Variants in NFATC2 observed in about 807,000 individuals in gnomAD.
NFATC2 encodes the protein nuclear factor of activated T cells 2.
In NFATC2, 22 loss-of-function variants were observed where a neutral mutation model predicts 87.3. The ratio of observed to expected loss-of-function variants is 0.25; its 90% CI spans 0.18 to 0.36. NFATC2 has a LOEUF of 0.36. NFATC2 is among the 10% of genes least tolerant of loss of function. The pLI, the probability that NFATC2 is intolerant of heterozygous loss-of-function variation, is 1.00. For missense variants in NFATC2, 1,149 were observed against 1,259.1 expected (o/e 0.91, Z 1.32); for synonymous variants, 565 against 542.2 (o/e 1.04, Z -0.58).
In NFATC2 at chr20:51,558,538, C is replaced by T. The variant is rs138352730; in HGVS notation, c.70+4022G>A. Among the ~76,000 whole-genome samples the T allele has an allele frequency of 1.8e-4, 27 of 151,994 alleles. No individual in the cohort carries two copies. The East Asian group carries it at 5.0e-3, about 28-fold the overall frequency. On this transcript the variant is annotated intron_variant, in intron 1 of 10. Coordinates refer to the NFATC2 transcript ENST00000414705. ...ATAAATTATACAATAGTAATGACCG[C>T]AATTATTTTTTGAATGGGTACCTTC...
intron 9 of NFATC2, among the ~76,000 whole-genome samples, chr20:51,400,205 G>A (rs916874956): frequency 5.3e-5 from 8 of 151,962 alleles, no homozygotes; most frequent in African/African-American, 9.7e-5. Flanking sequence ...GTTAGAGCAC[G>A]CCACTCCCTG....
In NFATC2 at chr20:51,535,755, C is replaced by G. The variant is rs925049317; in HGVS notation, c.130+6615G>C. On this transcript the variant is annotated intron_variant, in intron 1 of 10. Coordinates refer to ENST00000371564, the MANE Select transcript of NFATC2 (RefSeq NM_012340.5). ...ATTTCAGACTTGGGGTTTTTTTTCC[C>G]CCTCATTTAACATTCTCACTTTTGC... Among the ~76,000 whole-genome samples the G allele has an allele frequency of 2.0e-5, 3 of 152,106 alleles. No individual in the cohort carries two copies. In the South Asian group the frequency reaches 6.2e-4, roughly 32 times the overall value.
At chr20:51,517,309 G>T (rs2076367469) in intron 2 of NFATC2, among the ~76,000 whole-genome samples, 1 of 152,150 alleles carries the variant, frequency 6.6e-6, no homozygotes, top group Non-Finnish European at 1.5e-5. Context: ...CAGTATTATG[G>T]CTGGGTGTGG....
chr20:51,502,809 C>G (rs559582447), intron 3 of NFATC2, among the ~76,000 whole-genome samples: 3 of 152,174 alleles, frequency 2.0e-5, no homozygotes. Flanking sequence ...ACAGCATTTA[C>G]AGTTTTACAA....
intron 1 of NFATC2, among the ~76,000 whole-genome samples, chr20:51,534,696 T>C (rs747052801): frequency 1.8e-4 from 27 of 152,266 alleles, no homozygotes; most frequent in Admixed American, 5.2e-4. Flanking sequence ...TTCACATACA[T>C]CTTGTGCCTT....
At chr20:51,472,275 C>T (rs986898047) in intron 5 of NFATC2, among the ~76,000 whole-genome samples, 1 of 152,058 alleles carries the variant, frequency 6.6e-6, no homozygotes, top group Admixed American at 6.6e-5. Context: ...AATAAAATAA[C>T]CAAAATATTT....
At chr20:51,460,825 A>T (rs1038555948) in intron 5 of NFATC2, among the ~76,000 whole-genome samples, 1 of 152,008 alleles carries the variant, frequency 6.6e-6, no homozygotes, top group Non-Finnish European at 1.5e-5. Context: ...CTCTCAGGTC[A>T]CCTGTAGCAG....
At chr20:51,402,845 A>G (rs1285850439) in intron 9 of NFATC2, among the ~76,000 whole-genome samples, 10 of 152,196 alleles carry the variant, frequency 6.6e-5, no homozygotes, top group Non-Finnish European at 1.5e-5. Context: ...AGAAGGGGCA[A>G]AACCCCTGGC....
At chr20:51,481,608 G>A (rs1351475209) in intron 3 of NFATC2, among the ~76,000 whole-genome samples, 1 of 152,146 alleles carries the variant, frequency 6.6e-6, no homozygotes, top group Admixed American at 6.5e-5. Flanking sequence ...GGGAGTGTCT[G>A]TGGCGTCTGC....
At chr20:51,470,033 CA>C in intron 5 of NFATC2, among the ~76,000 whole-genome samples, 1 of 152,324 alleles carries the variant, frequency 6.6e-6, no homozygotes, top group African/African-American at 2.4e-5. Flanking sequence ...AGGCTGGGCT[CA>C]GGCGGGAATG....
rs540057409 is a variant in NFATC2, at chr20:51,449,211, T to A, written c.1849+5337A>T. Among the ~76,000 whole-genome samples the A allele has an allele frequency of 6.2e-4, 95 of 152,208 alleles. 1 individual carries two copies. Among genetic ancestry groups the A allele is most frequent in the South Asian group, 5.6e-3 (27 of 4,802 alleles). On this transcript the variant is annotated intron_variant, in intron 6 of 10. Coordinates refer to ENST00000371564, the MANE Select transcript of NFATC2 (RefSeq NM_012340.5). ...CCGCAGAGCCCTTGCTGGCCAAATG[T>A]CCATGGAGATGGGAACGGGGATGAG...
intron 2 of NFATC2, among the ~76,000 whole-genome samples, chr20:51,517,162 C>G (rs559888008): frequency 6.6e-6 from 1 of 152,312 alleles, no homozygotes; most frequent in African/African-American, 2.4e-5. Context: ...CATACCTACA[C>G]TATATGGTAT....
chr20:51,459,843 C>T (rs116877358), intron 5 of NFATC2, among the ~76,000 whole-genome samples: 5 of 152,222 alleles, frequency 3.3e-5, no homozygotes, highest in Non-Finnish European at 5.9e-5. Context: ...CACGCTACTA[C>T]ACTCCAGGCT....
chr20:51,448,687 A>T lies in NFATC2; in HGVS notation c.1849+5861T>A, dbSNP rs117000542. Reference sequence around the variant, plus strand: ...AAAAGAAAAGAAATGGTGGAGGAACATTCTAAGAGCAAACGGAGAAAGCCA... The same window carrying T: ...AAAAGAAAAGAAATGGTGGAGGAACTTTCTAAGAGCAAACGGAGAAAGCCA... On this transcript the variant is annotated intron_variant, in intron 6 of 10. Transcript: ENST00000371564. 4.0e-4 allele frequency among the ~76,000 whole-genome samples: 61 copies of T among 152,276 alleles called. No homozygotes were observed. In the East Asian group the frequency reaches 0.011, roughly 28 times the overall value.
intron 4 of NFATC2, among the ~76,000 whole-genome samples, chr20:51,475,153 G>T (rs1392911686): frequency 6.6e-6 from 1 of 151,994 alleles, no homozygotes; most frequent in Non-Finnish European, 1.5e-5. Flanking sequence ...ATGTTTAATA[G>T]AGATGGGGTT....
intron 1 of NFATC2, among the ~76,000 whole-genome samples, chr20:51,559,553 C>T (rs2077004727): frequency 6.6e-6 from 1 of 152,222 alleles, no homozygotes; most frequent in Admixed American, 6.5e-5. Context: ...TGGCCCATTG[C>T]CACACATCTC....
Position 51,432,327 on chromosome 20 carries a change from C to T in NFATC2, c.2462G>A (p.Arg821His), listed in dbSNP as rs373570203. 49 of 1,614,008 alleles carry T rather than the reference C, an allele frequency of 3.0e-5. No homozygotes were observed. The highest frequency in any genetic ancestry group is 3.8e-5 in the Non-Finnish European group (45 of 1,180,012). The change falls in exon 9 of 11, where the codon CGC becomes CAC. Residue 821 changes from arginine to histidine, a missense_variant. This residue lies in a region of NFATC2 where 581 missense variants were observed against 649.7 expected (regional missense o/e 0.89). Transcript: ENST00000371564. This position sits in a 1 kb window ranked among gnomAD's most constrained non-coding sequence, Gnocchi z 4.6. ...IHYSPTNQQL[R>H]CGSHQEFQHI... ...CTGGAACTCCTGGTGGCTTCCGCAG[C>T]GCAGCTGCTGGTTGGTGGGTGAGTA... is the stretch of plus-strand genomic sequence containing the variant.
At chr20:51,421,888 G>A (rs1206951792) in intron 9 of NFATC2, among the ~76,000 whole-genome samples, 1 of 152,132 alleles carries the variant, frequency 6.6e-6, no homozygotes, top group African/African-American at 2.4e-5. Flanking sequence ...TTGGGGAGAG[G>A]GTGCTTTCAT....
intron 1 of NFATC2, among the ~76,000 whole-genome samples, chr20:51,530,474 C>T (rs2076614930): frequency 6.6e-6 from 1 of 152,126 alleles, no homozygotes; most frequent in Non-Finnish European, 1.5e-5. Context: ...TGGCCTGAAA[C>T]TCCACTCCTT....
Sources: allele counts gnomAD v4.1 joint callset (sites outside exome capture counted in the v4.1 genomes callset), GRCh38; gene constraint gnomAD v4.1.1; regional missense constraint gnomAD v4.1.1; non-coding constraint Gnocchi (gnomAD v3.1); transcripts MANE v1.5; gene names NCBI Gene and HGNC (gene_info 2026-07-23, HGNC 2026-07-21).